SGMS1: variants seen among roughly 807,000 people sequenced by gnomAD.
The protein encoded by SGMS1 is sphingomyelin synthase 1.
A neutral mutation model predicts 46.2 loss-of-function variants in SGMS1; 13 were observed. That is an observed-to-expected ratio of 0.28 (90% CI 0.18 to 0.45). SGMS1 has a LOEUF of 0.45. Ranked by LOEUF, SGMS1 falls within the 20% of genes least tolerant of loss-of-function variation. SGMS1 has a pLI of 1.00. For synonymous variants in SGMS1, 203 were observed against 187.8 expected (o/e 1.08, Z -0.66); for missense variants, 324 against 519.9 (o/e 0.62, Z 3.66).
rs910161512 is a variant in SGMS1, at chr10:50,316,347, G to T, written c.742-4932C>A. 2.6e-5 allele frequency among the ~76,000 whole-genome samples: 4 copies of T among 152,356 alleles called. No homozygotes were observed. In the South Asian group the frequency reaches 8.3e-4, roughly 32 times the overall value. On this transcript the variant is annotated intron_variant, in intron 8 of 10. Coordinates refer to ENST00000361781, the MANE Select transcript of SGMS1 (RefSeq NM_147156.4). ...ATCGCTAATGCTGCAGCCTAGAGCAGCCCAGGAAAGTCAGCAAGGCAGACC... is the reference window on the plus strand; with the variant it reads ...ATCGCTAATGCTGCAGCCTAGAGCATCCCAGGAAAGTCAGCAAGGCAGACC...
intron 6 of SGMS1, among the ~76,000 whole-genome samples, chr10:50,355,629 C>T (rs1013707647): frequency 3.9e-5 from 6 of 152,214 alleles, no homozygotes; most frequent in Non-Finnish European, 8.8e-5. Flanking sequence ...GCTACAACCT[C>T]CACCTCCCAG....
chr10:50,406,185 G>T (rs1294154148), intron 6 of SGMS1, among the ~76,000 whole-genome samples: 1 of 152,094 alleles, frequency 6.6e-6, no homozygotes, highest in Non-Finnish European at 1.5e-5. Flanking sequence ...TTGCAAAAGG[G>T]GATCTGAGCC....
At chr10:50,446,823 G>A (rs1837022634) in intron 5 of SGMS1, among the ~76,000 whole-genome samples, 1 of 152,106 alleles carries the variant, frequency 6.6e-6, no homozygotes, top group South Asian at 2.1e-4. Context: ...CTTCAAATTT[G>A]TACATTGTAT....
intron 6 of SGMS1, among the ~76,000 whole-genome samples, chr10:50,357,276 A>T (rs1848169787): frequency 6.6e-6 from 1 of 152,196 alleles, no homozygotes; most frequent in Admixed American, 6.5e-5. Context: ...ATCAAAGCCA[A>T]GCAGGTCTTT....
chr10:50,398,793 A>G (rs1053882324), intron 6 of SGMS1, among the ~76,000 whole-genome samples: 14 of 152,034 alleles, frequency 9.2e-5, no homozygotes, highest in African/African-American at 3.4e-4. Context: ...TATGGAATGG[A>G]AAAAATATAT....
intron 1 of SGMS1, among the ~76,000 whole-genome samples, chr10:50,622,787 G>A (rs1441864771): frequency 6.6e-6 from 1 of 152,226 alleles, no homozygotes; most frequent in Non-Finnish European, 1.5e-5. Context: ...GCATTCACCA[G>A]AACGCTCCAG....
intron 5 of SGMS1, among the ~76,000 whole-genome samples, chr10:50,455,315 C>T (rs1837177835): frequency 6.6e-6 from 1 of 152,154 alleles, no homozygotes; most frequent in Non-Finnish European, 1.5e-5. Context: ...GCAAATTGGT[C>T]ATAATTTACC....
chr10:50,332,320 T>C lies in SGMS1; in HGVS notation c.624-4998A>G, dbSNP rs188706969. ...TGGATTCTGCCTTCTCCTGGGACAC[T>C]TGCCTGTCACTGACATTCCATTCAA... On this transcript the variant is annotated intron_variant, in intron 7 of 10. Transcript: ENST00000361781. 1.6e-3 allele frequency among the ~76,000 whole-genome samples: 241 copies of C among 152,238 alleles called. 1 individual carries two copies. The highest frequency in any genetic ancestry group is 5.2e-3 in the African/African-American group (218 of 41,548).
chr10:50,341,051 C>G (rs1847810708), intron 7 of SGMS1, among the ~76,000 whole-genome samples: 1 of 152,160 alleles, frequency 6.6e-6, no homozygotes, highest in Non-Finnish European at 1.5e-5. Flanking sequence ...GGTCAACACT[C>G]AGAAGAGTCA....
At position 50,313,593 on chromosome 10, in the gene SGMS1, T is replaced by A. The variant is rs575196979; in HGVS notation, c.742-2178A>T. Among the ~76,000 whole-genome samples, 6 of 152,356 alleles carry A rather than the reference T, an allele frequency of 3.9e-5. No homozygotes were observed. The South Asian group carries it at 1.2e-3, about 32-fold the overall frequency. On this transcript the variant is annotated intron_variant, in intron 8 of 10. Coordinates refer to ENST00000361781, the MANE Select transcript of SGMS1 (RefSeq NM_147156.4). ...TTTCAAATTAAAAGTTTGGTCCAGT[T>A]CTGTTATAACAATGGATAAAATGTA...
chr10:50,340,683 G>A (rs1158564954), intron 7 of SGMS1: 1 of 152,078 alleles, frequency 6.6e-6, no homozygotes, highest in Non-Finnish European at 1.5e-5. Flanking sequence ...TAATAGTAAA[G>A]GACAATTTTA....
chr10:50,504,156 A>T (rs1312033515), intron 3 of SGMS1, among the ~76,000 whole-genome samples: 1 of 152,232 alleles, frequency 6.6e-6, no homozygotes, highest in Non-Finnish European at 1.5e-5. Flanking sequence ...TTCATCATGC[A>T]GGGTACCTGA....
upstream of SGMS1, chr10:50,624,057 G>A (rs1295024632): frequency 3.3e-5 from 33 of 985,316 alleles, no homozygotes; most frequent in South Asian, 4.7e-5. Context: ...CGGGCCGGCC[G>A]GGCGGGGTCC....
At chr10:50,497,125 C>T (rs151130610) in intron 3 of SGMS1, among the ~76,000 whole-genome samples, 64 of 152,320 alleles carry the variant, frequency 4.2e-4, no homozygotes, top group Non-Finnish European at 7.5e-4. Flanking sequence ...CAAACCTCTC[C>T]AAGTGTCAAC....
intron 2 of SGMS1, among the ~76,000 whole-genome samples, chr10:50,545,619 G>A (rs1052943663): frequency 6.6e-6 from 1 of 152,054 alleles, no homozygotes; most frequent in African/African-American, 2.4e-5. Context: ...TAGTTTTTTA[G>A]TCGAGACAGG....
intron 6 of SGMS1, among the ~76,000 whole-genome samples, chr10:50,415,233 T>C (rs12246357): frequency 0.028 from 4,298 of 152,362 alleles, 96 homozygotes; most frequent in African/African-American, 0.059. Flanking sequence ...TAATTGGACA[T>C]GAATAATTCT....
intron 4 of SGMS1, among the ~76,000 whole-genome samples, chr10:50,466,410 A>C (rs1837330131): frequency 6.6e-6 from 1 of 152,176 alleles, no homozygotes; most frequent in African/African-American, 2.4e-5. Flanking sequence ...TTCAATGTTC[A>C]TCTACACAGA....
intron 8 of SGMS1, among the ~76,000 whole-genome samples, chr10:50,317,824 C>G (rs1589382415): frequency 7.6e-6 from 1 of 131,354 alleles, no homozygotes; most frequent in South Asian, 2.5e-4. Flanking sequence ...TTTTTTTAGA[C>G]AGTCTCACTC....
chr10:50,602,821 A>T (rs1338090846), intron 1 of SGMS1, among the ~76,000 whole-genome samples: 1 of 152,232 alleles, frequency 6.6e-6, no homozygotes, highest in Non-Finnish European at 1.5e-5. Flanking sequence ...ATAAACATAA[A>T]GCCTCTACTC....
Sources: allele counts gnomAD v4.1 joint callset (sites outside exome capture counted in the v4.1 genomes callset), GRCh38; gene constraint gnomAD v4.1.1; transcripts MANE v1.5; gene names NCBI Gene and HGNC (gene_info 2026-07-23, HGNC 2026-07-21).